The following ADAM7 variants were observed in gnomAD, a reference collection of about 807,000 sequenced individuals.
ADAM7 encodes ADAM metallopeptidase domain 7, also known as disintegrin and metalloproteinase domain-containing protein 7.
In ADAM7, 97 loss-of-function variants were observed where a neutral mutation model predicts 102.9. The observed-to-expected ratio is 0.94, with a 90% CI of 0.80 to 1.12. The LOEUF (loss-of-function observed/expected upper bound fraction) is 1.12, where lower values mean the gene tolerates loss of function less well. Ranked by LOEUF, ADAM7 falls within the 50% of genes most tolerant of loss-of-function variation. The pLI is 0.00. For missense variants in ADAM7, 991 were observed against 908.7 expected (o/e 1.09, Z -1.16); for synonymous variants, 334 against 304.4 (o/e 1.10, Z -1.01).
intron 3 of ADAM7, among the ~76,000 whole-genome samples, chr8:24,452,000 C>T (rs1692412054): frequency 1.3e-5 from 2 of 152,186 alleles, no homozygotes; most frequent in Admixed American, 1.3e-4. Flanking sequence ...TTTGATTGCA[C>T]TGTGGTCTGA....
chr8:24,489,370 T>G (rs1820257047), intron 12 of ADAM7, 37 bp downstream of exon 12: 2 of 1,575,528 alleles, frequency 1.3e-6, no homozygotes, highest in Non-Finnish European at 8.6e-7. Flanking sequence ...ATTGCAAAAT[T>G]TATGATCAGG....
intron 7 of ADAM7, among the ~76,000 whole-genome samples, chr8:24,472,755 G>T (rs780889548): frequency 2.0e-5 from 3 of 151,716 alleles, no homozygotes; most frequent in Non-Finnish European, 2.9e-5. Flanking sequence ...TTAGCAATGA[G>T]AAAAATCAAT....
intron 2 of ADAM7, among the ~76,000 whole-genome samples, chr8:24,445,497 A>G (rs1818522535): frequency 6.6e-6 from 1 of 151,930 alleles, no homozygotes; most frequent in Non-Finnish European, 1.5e-5. Flanking sequence ...ACTCTCTCTT[A>G]CTCCATCTGA....
rs779459490 is a variant in ADAM7 at position 24,449,680 on chromosome 8, T to C, written c.233+2418T>C. Among the ~76,000 whole-genome samples, 3 of 152,160 alleles carry C rather than the reference T, an allele frequency of 2.0e-5. No homozygotes were observed. In the South Asian group the frequency reaches 6.2e-4, roughly 31 times the overall value. On this transcript the variant is annotated intron_variant, in intron 3 of 21. Transcript: ENST00000175238. ...TAGATCCCATTTGTCAATTTTGGCT[T>C]TTGTTGCCATTGCTTTTGGTGTTTT... is the stretch of plus-strand genomic sequence containing the variant.
At chr8:24,467,876 CA>C (rs542646058) in intron 6 of ADAM7, among the ~76,000 whole-genome samples, 101 of 151,856 alleles carry the variant, frequency 6.7e-4, no homozygotes, top group African/African-American at 2.1e-3. Context: ...CCAGCCTGAC[CA>C]ACATGGTGAA....
intron 7 of ADAM7, among the ~76,000 whole-genome samples, chr8:24,470,967 T>C (rs1819582812): frequency 6.6e-6 from 1 of 152,094 alleles, no homozygotes; most frequent in South Asian, 2.1e-4. Flanking sequence ...ATGTATGTAA[T>C]TGCCCCTAAA....
chr8:24,465,254 A>G (rs1370380346), intron 4 of ADAM7, among the ~76,000 whole-genome samples: 1 of 152,174 alleles, frequency 6.6e-6, no homozygotes, highest in African/African-American at 2.4e-5. Flanking sequence ...ACACATGGAA[A>G]TGATGGGAAA....
At chr8:24,508,468 T>C in intron 21 of ADAM7, 78 bp from the exon 22 acceptor site, 5 of 1,418,762 alleles carry the variant, frequency 3.5e-6, no homozygotes, top group Admixed American at 1.7e-5. Context: ...AATTAGTAGA[T>C]ATAAATGAGT....
chr8:24,501,823 T>G (rs1444633909), intron 20 of ADAM7, among the ~76,000 whole-genome samples: 2 of 152,020 alleles, frequency 1.3e-5, no homozygotes, highest in Admixed American at 6.6e-5. Flanking sequence ...TTTAATAACA[T>G]ACTAATTTGT....
chr8:24,459,161 A>G (rs1216160736), intron 3 of ADAM7, among the ~76,000 whole-genome samples: 4 of 152,074 alleles, frequency 2.6e-5, no homozygotes, highest in Admixed American at 6.5e-5. Flanking sequence ...TATGTGTAGG[A>G]AAGAGGTTTT....
At chr8:24,468,229 T>A (rs1330970584) in intron 6 of ADAM7, among the ~76,000 whole-genome samples, 1 of 151,974 alleles carries the variant, frequency 6.6e-6, no homozygotes, top group Non-Finnish European at 1.5e-5. Context: ...ATGTTTTAAC[T>A]CTCAGTTACA....
intron 7 of ADAM7, among the ~76,000 whole-genome samples, chr8:24,472,694 T>A (rs1372484322): frequency 1.3e-5 from 2 of 151,694 alleles, no homozygotes; most frequent in Non-Finnish European, 2.9e-5. Context: ...CTAGAGAGAT[T>A]AGAAAACAAA....
chr8:24,484,414 A>C (rs1428554714), intron 9 of ADAM7, among the ~76,000 whole-genome samples: 1 of 152,180 alleles, frequency 6.6e-6, no homozygotes, highest in Non-Finnish European at 1.5e-5. Flanking sequence ...AATCAAATCA[A>C]ATTTGGATTC....
chr8:24,491,996 C>G lies in ADAM7; in HGVS notation c.1450C>G (p.Gln484Glu). The G allele has an allele frequency of 1.2e-6, 2 of 1,613,952 alleles. No individual in the cohort carries two copies. The highest frequency in any genetic ancestry group is 2.2e-5 in the East Asian group (1 of 44,872). The change falls in exon 14 of 22, where the codon CAG becomes GAG. Residue 484 changes from glutamine (Q) to glutamate (E), a missense_variant. Transcript: ENST00000175238. ...TGHSPACPKDQFRVNGFPCKN... is the reference protein window; with the variant it reads ...TGHSPACPKDEFRVNGFPCKN... ...CCACTCGCCTGCCTGTCCTAAGGAC[C>G]AGTTCAGGGTCAATGGATTTCCTTG...
chr8:24,482,293 ATCATGTTGTATTAC>A lies in ADAM7; in HGVS notation c.861_874del (p.His287GlnfsTer29). ...ATCCTTAAAACACGGAAGGATTTTG[ATCATGTTGTATTAC>A]TCAGGTTGGTGATTGCTCTATTTTC... On this transcript the variant is annotated frameshift_variant, in exon 9 of 22. Transcript: ENST00000175238. LOFTEE classifies it high-confidence loss of function. 1 of 1,610,794 alleles carries A rather than the reference ATCATGTTGTATTAC, an allele frequency of 6.2e-7. No individual in the cohort carries two copies. The highest frequency in any genetic ancestry group is 1.1e-5 in the South Asian group (1 of 89,868).
chr8:24,499,499 A>G (rs372931621), intron 17 of ADAM7, among the ~76,000 whole-genome samples, 183 bp downstream of exon 17: 1 of 152,252 alleles, frequency 6.6e-6, no homozygotes, highest in Non-Finnish European at 1.5e-5. Context: ...GCAAAATCAC[A>G]TATTATTATA....
At chr8:24,495,655 T>C (rs1471884171) in intron 16 of ADAM7, among the ~76,000 whole-genome samples, 1 of 152,158 alleles carries the variant, frequency 6.6e-6, no homozygotes, top group Non-Finnish European at 1.5e-5. Context: ...ATGACTCTTG[T>C]TATGTTTTAG....
chr8:24,486,640 G>T (rs190155552), intron 10 of ADAM7, among the ~76,000 whole-genome samples: 1 of 151,946 alleles, frequency 6.6e-6, no homozygotes, highest in Non-Finnish European at 1.5e-5. Context: ...TAGCAGATTC[G>T]GTGTCTGGTG....
chr8:24,483,872 G>T (rs2131227), intron 9 of ADAM7, among the ~76,000 whole-genome samples: 109,203 of 152,088 alleles, frequency 0.72, 40,022 homozygotes, highest in African/African-American at 0.81. Flanking sequence ...GAACACCTCC[G>T]ATTCTAACCA....
Sources: gnomAD v4.1 joint callset for allele counts (sites outside exome capture counted in the v4.1 genomes callset) on GRCh38, gnomAD v4.1.1 for gene constraint, MANE v1.5 for transcripts, NCBI Gene and HGNC (gene_info 2026-07-23, HGNC 2026-07-21) for gene names.